Variants in ZNF469 observed in about 807,000 individuals in gnomAD.
ZNF469 encodes zinc finger protein 469.
A neutral mutation model predicts 1.0 loss-of-function variants in ZNF469; 1 was observed. That is an observed-to-expected ratio of 1.00 (90% confidence interval 0.35 to 4.73). ZNF469 has a LOEUF of 4.73. Ranked by LOEUF, ZNF469 falls within the 30% of genes most tolerant of loss-of-function variation. The pLI, the probability that ZNF469 is intolerant of heterozygous loss-of-function variation, is 0.16. For synonymous variants in ZNF469, 2,703 were observed against 2,363.4 expected (o/e 1.14, Z -4.17); for missense variants, 6,100 against 5,356.3 (o/e 1.14, Z -4.33).
the ZNF469 span, among the ~76,000 whole-genome samples, chr16:88,371,659 C>T: frequency 6.6e-6 from 1 of 152,204 alleles, no homozygotes. Context: ...TTTAGCATTC[C>T]TTGTTCCATC....
chr16:88,259,246 C>T, the ZNF469 span, among the ~76,000 whole-genome samples: 1 of 129,310 alleles, frequency 7.7e-6, no homozygotes, highest in African/African-American at 2.8e-5. The surrounding 1 kb of genome is among the most constrained non-coding windows in gnomAD (Gnocchi z 4.1). Flanking sequence ...GGCAAGCCGA[C>T]CCACCCCCCG....
intron 1 of ZNF469, among the ~76,000 whole-genome samples, chr16:88,385,920 G>A (rs1399233997): frequency 1.3e-5 from 2 of 152,206 alleles, no homozygotes; most frequent in African/African-American, 2.4e-5. Flanking sequence ...ACCAGCTGCT[G>A]TGGTTGCAGC....
intron 1 of ZNF469, among the ~76,000 whole-genome samples, chr16:88,420,038 C>A (rs997334524): frequency 3.3e-5 from 5 of 152,220 alleles, no homozygotes; most frequent in Non-Finnish European, 7.3e-5. Flanking sequence ...TGCTGTCCTT[C>A]CCCAGTGCCA....
the ZNF469 span, chr16:88,302,548 C>T: frequency 3.3e-5 from 5 of 152,248 alleles, no homozygotes; most frequent in Admixed American, 6.5e-5. Context: ...TGCCTGGGCT[C>T]GTCTGGACCT....
chr16:88,274,686 C>G, the ZNF469 span, among the ~76,000 whole-genome samples: 2 of 152,190 alleles, frequency 1.3e-5, no homozygotes, highest in South Asian at 4.1e-4. Context: ...TTTCTGTTAT[C>G]CTTGGAAGAA....
the ZNF469 span, among the ~76,000 whole-genome samples, chr16:88,166,225 C>G: frequency 6.6e-6 from 1 of 152,194 alleles, no homozygotes; most frequent in Non-Finnish European, 1.5e-5. The surrounding 1 kb of genome is among the most constrained non-coding windows in gnomAD (Gnocchi z 4.5). Context: ...CACCCACCAC[C>G]TAAATTCCAT....
At chr16:88,292,137 G>A in the ZNF469 span, among the ~76,000 whole-genome samples, 40 of 152,290 alleles carry the variant, frequency 2.6e-4, no homozygotes, top group African/African-American at 9.6e-4. Flanking sequence ...GGAGCAAAGG[G>A]GACTTCCAGA....
chr16:88,300,548 C>T, the ZNF469 span, among the ~76,000 whole-genome samples: 1 of 151,956 alleles, frequency 6.6e-6, no homozygotes, highest in Non-Finnish European at 1.5e-5. Context: ...CAGCAGGGAG[C>T]GCTTCTCTCG....
chr16:88,180,729 G>A, the ZNF469 span, among the ~76,000 whole-genome samples: 1 of 150,564 alleles, frequency 6.6e-6, no homozygotes, highest in Non-Finnish European at 1.5e-5. Flanking sequence ...AGCCAACGTG[G>A]TCCCACTGCA....
At chr16:88,354,254 G>A in the ZNF469 span, among the ~76,000 whole-genome samples, 17 of 152,328 alleles carry the variant, frequency 1.1e-4, no homozygotes, top group South Asian at 2.1e-4. Context: ...TCCCCAGGGG[G>A]ACCAGGGAGA....
the ZNF469 span, among the ~76,000 whole-genome samples, chr16:88,257,421 C>G: frequency 6.6e-6 from 1 of 152,090 alleles, no homozygotes; most frequent in Non-Finnish European, 1.5e-5. Context: ...CCTCTCTTCT[C>G]AGATATTTCC....
chr16:88,343,389 T>C, the ZNF469 span, among the ~76,000 whole-genome samples: 2 of 152,314 alleles, frequency 1.3e-5, no homozygotes, highest in African/African-American at 2.4e-5. Context: ...CCAAACAATG[T>C]ACATAGACGC....
In ZNF469 at chr16:88,427,380, G is replaced by A. The variant is rs1180722846; in HGVS notation, c.-91G>A. ...GGACCATGAGCGCAGGCTTCCCTGG[G>A]GCCCATCGAGGGCTGAGGATGGCCG... is the stretch of plus-strand genomic sequence containing the variant. On this transcript the variant is annotated 5_prime_UTR_variant, in exon 3 of 3. Transcript: ENST00000565624. 2 of 1,282,740 alleles carry A rather than the reference G, an allele frequency of 1.6e-6. No homozygotes were observed. The highest frequency in any genetic ancestry group is 2.1e-6 in the Non-Finnish European group (2 of 963,830). 79.5% of individuals were successfully genotyped at this position (1,282,740 alleles called of 1,614,324 possible). A position where few individuals can be genotyped will look rare whatever the true frequency, so the allele number is the denominator to read the frequency against.
the ZNF469 span, among the ~76,000 whole-genome samples, chr16:88,211,417 G>A: frequency 2.0e-5 from 3 of 152,264 alleles, no homozygotes; most frequent in African/African-American, 4.8e-5. Context: ...TTCAGGGTGG[G>A]TGGTTGTCAG....
chr16:88,373,623 A>T, the ZNF469 span, among the ~76,000 whole-genome samples: 1 of 152,204 alleles, frequency 6.6e-6, no homozygotes, highest in Non-Finnish European at 1.5e-5. Flanking sequence ...GATGCTCCAT[A>T]GACTTGCTCA....
chr16:88,112,018 T>A, the ZNF469 span, among the ~76,000 whole-genome samples: 1 of 152,010 alleles, frequency 6.6e-6, no homozygotes, highest in African/African-American at 2.4e-5. Flanking sequence ...AATGACAGGA[T>A]CTCGTTCTTT....
the ZNF469 span, among the ~76,000 whole-genome samples, chr16:88,189,311 A>AG: frequency 2.8e-4 from 43 of 152,280 alleles, 1 homozygote; most frequent in Admixed American, 2.7e-3. The surrounding 1 kb of genome is among the most constrained non-coding windows in gnomAD (Gnocchi z 4.3). Context: ...ACAAAGGAGA[A>AG]GGGGAGCAAA....
rs535400159 is a variant in ZNF469, at chr16:88,435,045, G to A, written c.7575G>A (p.Pro2525=). 32 of 1,550,260 alleles carry A rather than the reference G, an allele frequency of 2.1e-5. No individual in the cohort carries two copies. Among genetic ancestry groups the A allele is most frequent in the African/African-American group, 1.2e-4 (9 of 73,066 alleles). The stretch of plus-strand genomic sequence containing the variant: ...AGCCCCTAGCCCAAAAGTGCCAGCC[G>A]CCCAGGAAGAAAAGCCACAGGGTGT... ...PLEPLAQKCQ[P]PRKKSHRVSG... The change falls in exon 3 of 3, where the codon CCG becomes CCA. Residue 2525 remains proline (P), a synonymous_variant. Transcript: ENST00000565624.
chr16:88,260,271 G>A, the ZNF469 span, among the ~76,000 whole-genome samples: 9 of 152,132 alleles, frequency 5.9e-5, no homozygotes, highest in East Asian at 1.2e-3. The surrounding 1 kb of genome is among the most constrained non-coding windows in gnomAD (Gnocchi z 4.1). Flanking sequence ...TGACAGGCGC[G>A]AGCCACCGTG....
Sources: gnomAD v4.1 joint callset for allele counts (sites outside exome capture counted in the v4.1 genomes callset) on GRCh38, gnomAD v4.1.1 for gene constraint, Gnocchi (gnomAD v3.1) non-coding constraint, MANE v1.5 for transcripts, NCBI Gene and HGNC (gene_info 2026-07-23, HGNC 2026-07-21) for gene names.